ST8SIA5: variants seen among roughly 807,000 people sequenced by gnomAD.
ST8SIA5 encodes the protein alpha-2,8-sialyltransferase 8E.
ST8SIA5 carries 24 observed loss-of-function variants against 40.2 expected under a neutral mutation model. The observed-to-expected ratio is 0.60, with a 90% confidence interval of 0.43 to 0.84. The LOEUF is 0.84. ST8SIA5 is among the 40% of genes least tolerant of loss of function. ST8SIA5 has a pLI of 0.00. For synonymous variants in ST8SIA5, 198 were observed against 201.8 expected (o/e 0.98, Z 0.16); for missense variants, 465 against 498.5 (o/e 0.93, Z 0.64).
chr18:46,681,925 T>C (rs748171782), intron 6 of ST8SIA5, 47 bp downstream of exon 6: 3 of 1,592,138 alleles, frequency 1.9e-6, no homozygotes, highest in South Asian at 1.1e-5. Flanking sequence ...CATGTGACTA[T>C]TGGCTACCAT....
At position 46,680,382 on chromosome 18, in the gene ST8SIA5, A is replaced by G; in HGVS notation, c.791T>C (p.Val264Ala). The change falls in exon 7 of 7, where the codon GTG becomes GCG. Residue 264 changes from valine to alanine, a missense_variant. By Grantham distance (64) the Val-to-Ala change is moderately conservative (BLOSUM62 0). Coordinates refer to ENST00000315087, the MANE Select transcript of ST8SIA5 (RefSeq NM_013305.6). ...NTDVSIRVKY[V>A]LDDFESPQAV... ...TTGCGGCGATTCGAAGTCGTCCAGC[A>G]CGTACTTGACGCGGATGGACACGTC... 2 of 1,614,044 alleles carry G rather than the reference A, an allele frequency of 1.2e-6. No homozygotes were observed. The highest frequency in any genetic ancestry group is 1.1e-5 in the South Asian group (1 of 91,062).
intron 1 of ST8SIA5, among the ~76,000 whole-genome samples, chr18:46,742,647 A>G (rs181235789): frequency 6.6e-6 from 1 of 152,376 alleles, no homozygotes; most frequent in Admixed American, 6.5e-5. Flanking sequence ...ATAGCTGAAC[A>G]AAAGGCAGCA....
chr18:46,728,205 A>C (rs937960380), intron 1 of ST8SIA5, among the ~76,000 whole-genome samples: 1 of 152,072 alleles, frequency 6.6e-6, no homozygotes, highest in Non-Finnish European at 1.5e-5. Flanking sequence ...AAAAAAAAAA[A>C]AAAACTATAG....
intron 1 of ST8SIA5, among the ~76,000 whole-genome samples, chr18:46,719,173 G>A (rs2039825577): frequency 6.6e-6 from 1 of 152,202 alleles, no homozygotes; most frequent in South Asian, 2.1e-4. Flanking sequence ...TCAAATGGGA[G>A]CGCTCCAGAA....
At chr18:46,706,051 G>C (rs1391073111) in intron 1 of ST8SIA5, among the ~76,000 whole-genome samples, 1 of 151,580 alleles carries the variant, frequency 6.6e-6, no homozygotes, top group Non-Finnish European at 1.5e-5. Context: ...TATTTGTATT[G>C]TCATTTTGTC....
chr18:46,710,433 T>C lies in ST8SIA5; in HGVS notation c.132-5769A>G, dbSNP rs1568263259. ...TTTCTTTCTTTTTCTTTCTCTCTCT[T>C]TCTTTTTCTTTTTCTTTCTCTCTTT... On this transcript the variant is annotated intron_variant, in intron 1 of 6. Transcript: ENST00000315087. 4.3e-5 allele frequency among the ~76,000 whole-genome samples: 6 copies of C among 139,598 alleles called. No homozygotes were observed. In the South Asian group the frequency reaches 1.1e-3, roughly 26 times the overall value. 91.6% of individuals were successfully genotyped at this position (139,598 alleles called of 152,430 possible).
chr18:46,713,832 C>T lies in ST8SIA5; in HGVS notation c.132-9168G>A, dbSNP rs548604145. On this transcript the variant is annotated intron_variant, in intron 1 of 6. Coordinates refer to ENST00000315087, the MANE Select transcript of ST8SIA5 (RefSeq NM_013305.6). Reference sequence around the variant, plus strand: ...GATTCAAGGGAGAAGGGAACAGATGCCCCTCTGCCGTAGGTGGAAGCAAGG... The same window carrying T: ...GATTCAAGGGAGAAGGGAACAGATGTCCCTCTGCCGTAGGTGGAAGCAAGG... 2.0e-5 allele frequency among the ~76,000 whole-genome samples: 3 copies of T among 152,138 alleles called. No individual in the cohort carries two copies. In the South Asian group the frequency reaches 6.2e-4, roughly 32 times the overall value.
chr18:46,716,456 G>T (rs780371453), intron 1 of ST8SIA5, among the ~76,000 whole-genome samples: 6 of 152,192 alleles, frequency 3.9e-5, no homozygotes, highest in Admixed American at 2.0e-4. Flanking sequence ...CAGGGAGAAG[G>T]CTGTCCCACC....
chr18:46,681,919 T>C, intron 6 of ST8SIA5, 53 bp downstream of exon 6: 5 of 1,585,084 alleles, frequency 3.2e-6, no homozygotes, highest in Non-Finnish European at 4.3e-6. Context: ...TAGCCGCATG[T>C]GACTATTGGC....
intron 2 of ST8SIA5, among the ~76,000 whole-genome samples, chr18:46,695,590 G>A (rs533304082): frequency 6.6e-6 from 1 of 152,320 alleles, no homozygotes; most frequent in Admixed American, 6.5e-5. Context: ...TATTAGTATT[G>A]TTACACTGAA....
intron 1 of ST8SIA5, among the ~76,000 whole-genome samples, chr18:46,742,853 C>T (rs531890733): frequency 6.6e-5 from 10 of 152,258 alleles, no homozygotes; most frequent in East Asian, 3.9e-4. Flanking sequence ...CCCTCTGGGA[C>T]GAAACTTTCA....
chr18:46,667,825 T>G lies in ST8SIA5; in HGVS notation c.*12217A>C, dbSNP rs3744861. ...CCACAGCCACAGAGTCTTTGCTAGGTGAACCATTTGACTGGTTTTATTAGA... is the reference window on the plus strand; with the variant it reads ...CCACAGCCACAGAGTCTTTGCTAGGGGAACCATTTGACTGGTTTTATTAGA... On this transcript the variant is annotated 3_prime_UTR_variant, in exon 7 of 7. Coordinates refer to ENST00000315087, the MANE Select transcript of ST8SIA5 (RefSeq NM_013305.6). 11,789 of 152,120 alleles carry G rather than the reference T, an allele frequency of 0.077. 646 individuals carry two copies. The highest frequency in any genetic ancestry group is 0.33 in the East Asian group (1,715 of 5,156). The allele number at this position is 152,120 out of a possible 1,614,324, so 9.4% of individuals were successfully genotyped here.
chr18:46,725,973 ATATATATATATATATAT>A (rs1417309379), intron 1 of ST8SIA5, among the ~76,000 whole-genome samples: 4 of 25,082 alleles, frequency 1.6e-4, no homozygotes, highest in African/African-American at 3.1e-4. Context: ...AAAAAAAAAA[ATATATATATATATATAT>A]ATATATATAT....
chr18:46,682,121 G>A, intron 5 of ST8SIA5, 57 bp from the exon 6 acceptor site: 3 of 1,399,878 alleles, frequency 2.1e-6, no homozygotes, highest in South Asian at 1.4e-5. Flanking sequence ...TCAGGCTGGG[G>A]AGGGTGCAGG....
intron 1 of ST8SIA5, chr18:46,723,019 G>C (rs1167908946): frequency 6.6e-6 from 1 of 152,236 alleles, no homozygotes; most frequent in African/African-American, 2.4e-5. Flanking sequence ...ACCTCCCATG[G>C]AAATGCTCCA....
chr18:46,721,224 AC>A (rs2039859307), intron 1 of ST8SIA5: 4 of 726,630 alleles, frequency 5.5e-6, no homozygotes, highest in Non-Finnish European at 9.1e-6. Context: ...CAGGTGGGAT[AC>A]CAAAGTGCAG....
At chr18:46,724,989 GA>G (rs2039900184) in intron 1 of ST8SIA5, among the ~76,000 whole-genome samples, 1 of 99,658 alleles carries the variant, frequency 1.0e-5, no homozygotes, top group Non-Finnish European at 2.1e-5. Context: ...GAAAGAGAGA[GA>G]GGAAGGAAGG....
At chr18:46,688,996 G>A in intron 3 of ST8SIA5, 77 bp from the exon 4 acceptor site, 3 of 1,518,248 alleles carry the variant, frequency 2.0e-6, no homozygotes, top group East Asian at 2.3e-5. Context: ...ACCTCACGGA[G>A]AACAGAGGGG....
intron 1 of ST8SIA5, among the ~76,000 whole-genome samples, chr18:46,717,062 G>A (rs1180068940): frequency 6.6e-6 from 1 of 152,194 alleles, no homozygotes; most frequent in African/African-American, 2.4e-5. Flanking sequence ...TGAAGTGGGG[G>A]ATGTTTTCCT....
Sources: gnomAD v4.1 joint callset for allele counts (sites outside exome capture counted in the v4.1 genomes callset) on GRCh38, gnomAD v4.1.1 for gene constraint, MANE v1.5 for transcripts, NCBI Gene and HGNC (gene_info 2026-07-23, HGNC 2026-07-21) for gene names.